The following TMEM163 variants were observed in gnomAD, a reference collection of about 807,000 sequenced individuals.
The protein encoded by TMEM163 is transmembrane protein 163.
Under a neutral mutation model 29.3 loss-of-function variants are expected in TMEM163, and 17 were observed. The observed-to-expected ratio is 0.58, with a 90% CI of 0.40 to 0.87. TMEM163 has a LOEUF of 0.87. TMEM163 is among the 40% of genes least tolerant of loss of function. TMEM163 has a pLI of 0.00. For missense variants in TMEM163, 303 were observed against 381.5 expected, an observed-to-expected ratio of 0.79 and a Z score of 1.71; for synonymous variants, 157 against 160.6, an observed-to-expected ratio of 0.98 and a Z score of 0.17.
Position 134,550,666 on chromosome 2 carries a change from GAGA to G in TMEM163, c.367-8_367-6del. The stretch of plus-strand genomic sequence containing the variant: ...GACGTCCAGGATGGCATCAAACTAG[GAGA>G]AGGAGACATGGCATTAGAGGCTTTC... On this transcript the variant is annotated splice_polypyrimidine_tract_variant and splice_region_variant and intron_variant, in intron 3 of 7. Transcript: ENST00000281924. 1.2e-6 allele frequency: 2 copies of G among 1,614,064 alleles called. No homozygotes were observed. Among genetic ancestry groups the G allele is most frequent in the Non-Finnish European group, 1.7e-6 (2 of 1,179,936 alleles).
At chr2:134,514,853 G>T (rs1680023777) in intron 4 of TMEM163, among the ~76,000 whole-genome samples, 1 of 152,156 alleles carries the variant, frequency 6.6e-6, no homozygotes, top group African/African-American at 2.4e-5. Context: ...GTGCACAATT[G>T]GTTTGGCCTC....
intron 2 of TMEM163, among the ~76,000 whole-genome samples, chr2:134,571,476 A>G (rs532270273): frequency 6.6e-6 from 1 of 152,326 alleles, no homozygotes; most frequent in East Asian, 1.9e-4. Context: ...CTCCGAAAAA[A>G]AAAATCTAAA....
chr2:134,635,403 A>G (rs1000457303), intron 2 of TMEM163, among the ~76,000 whole-genome samples: 1 of 152,182 alleles, frequency 6.6e-6, no homozygotes, highest in African/African-American at 2.4e-5. Context: ...CTAAAGGAAT[A>G]GCAATTCATC....
At chr2:134,650,500 T>A (rs953608081) in intron 2 of TMEM163, among the ~76,000 whole-genome samples, 2 of 98,456 alleles carry the variant, frequency 2.0e-5, no homozygotes, top group Non-Finnish European at 4.0e-5. Context: ...ATGCCTTCTA[T>A]TTCTTTTTTT....
intron 2 of TMEM163, among the ~76,000 whole-genome samples, chr2:134,552,697 T>A (rs1680960196): frequency 6.8e-6 from 1 of 146,536 alleles, no homozygotes; most frequent in Admixed American, 6.9e-5. Flanking sequence ...AGTCTTGCTG[T>A]GTCACTCAGG....
chr2:134,537,300 G>C (rs1680562075), intron 4 of TMEM163, among the ~76,000 whole-genome samples: 1 of 152,160 alleles, frequency 6.6e-6, no homozygotes, highest in African/African-American at 2.4e-5. Context: ...AGACTGACTG[G>C]GCAGCTTAAG....
chr2:134,662,259 A>G (rs76096260), intron 2 of TMEM163, among the ~76,000 whole-genome samples: 16,260 of 152,130 alleles, frequency 0.11, 1,056 homozygotes, highest in African/African-American at 0.17. Flanking sequence ...TCATTCATTC[A>G]ATTGCCACCC....
Position 134,550,758 on chromosome 2 carries a change from A to G in TMEM163, c.367-97T>C, listed in dbSNP as rs920359323. 1.7e-5 allele frequency: 20 copies of G among 1,165,388 alleles called. No individual in the cohort carries two copies. The Admixed American group carries it at 3.3e-4, about 19-fold the overall frequency. 72.2% of individuals were successfully genotyped at this position (1,165,388 alleles called of 1,614,324 possible). The stretch of plus-strand genomic sequence containing the variant: ...CTGTGCTGTGACTCAGAACATCTGC[A>G]TGAGTAAACTCTGAGCAAAGAGGTC... On this transcript the variant is annotated intron_variant, in intron 3 of 7. Coordinates refer to ENST00000281924, the MANE Select transcript of TMEM163 (RefSeq NM_030923.5).
At chr2:134,504,301 C>T (rs530855689) in intron 4 of TMEM163, among the ~76,000 whole-genome samples, 26 of 152,062 alleles carry the variant, frequency 1.7e-4, no homozygotes, top group Admixed American at 9.2e-4. Context: ...AAAGCAAAGA[C>T]GGAATCATCG....
intron 2 of TMEM163, among the ~76,000 whole-genome samples, chr2:134,580,657 A>G (rs1681671661): frequency 6.6e-6 from 1 of 152,212 alleles, no homozygotes; most frequent in Non-Finnish European, 1.5e-5. Context: ...GCCACCTGGA[A>G]TCCCAGCACT....
intron 2 of TMEM163, among the ~76,000 whole-genome samples, chr2:134,679,625 C>A (rs1019702593): frequency 3.3e-5 from 5 of 152,178 alleles, no homozygotes; most frequent in Admixed American, 3.3e-4. Context: ...TTCCCAGGAG[C>A]TTTCGAAGAC....
At chr2:134,521,904 T>C (rs1574203250) in intron 4 of TMEM163, among the ~76,000 whole-genome samples, 1 of 152,160 alleles carries the variant, frequency 6.6e-6, no homozygotes, top group East Asian at 1.9e-4. Flanking sequence ...AGAAGACAGA[T>C]ATTTAAGCAG....
At chr2:134,523,592 C>T (rs754478301) in intron 4 of TMEM163, among the ~76,000 whole-genome samples, 2 of 152,194 alleles carry the variant, frequency 1.3e-5, no homozygotes, top group Non-Finnish European at 2.9e-5. Context: ...CACCACGTTT[C>T]TCAGCAAAGG....
chr2:134,643,501 C>T (rs550873781), intron 2 of TMEM163, among the ~76,000 whole-genome samples: 200 of 152,014 alleles, frequency 1.3e-3, no homozygotes, highest in African/African-American at 4.6e-3. Flanking sequence ...TGAACATTAT[C>T]CTGATACCAA....
chr2:134,679,284 T>C (rs1684182298), intron 2 of TMEM163, among the ~76,000 whole-genome samples: 1 of 152,264 alleles, frequency 6.6e-6, no homozygotes, highest in Non-Finnish European at 1.5e-5. Flanking sequence ...TTCATGAATA[T>C]GTGTACATGA....
intron 2 of TMEM163, among the ~76,000 whole-genome samples, chr2:134,648,304 C>CCTCTCCTCTTCTCTTCTCTT (rs369584583): frequency 8.7e-4 from 124 of 143,212 alleles, no homozygotes; most frequent in African/African-American, 3.2e-3. Flanking sequence ...CACTGCTTCT[C>CCTCTCCTCTTCTCTTCTCTT]CTCTTCTCTT....
chr2:134,484,984 G>A (rs777885174), intron 5 of TMEM163, among the ~76,000 whole-genome samples: 1 of 152,096 alleles, frequency 6.6e-6, no homozygotes, highest in Non-Finnish European at 1.5e-5. Flanking sequence ...GACTAACTTG[G>A]ATAAAAACAA....
At chr2:134,674,827 GAC>G (rs1558987585) in intron 2 of TMEM163, among the ~76,000 whole-genome samples, 1 of 152,142 alleles carries the variant, frequency 6.6e-6, no homozygotes, top group Non-Finnish European at 1.5e-5. Context: ...CCTCTGCAAG[GAC>G]ATCTACCCAG....
At chr2:134,699,354 A>T (rs1282053169) in intron 2 of TMEM163, among the ~76,000 whole-genome samples, 1 of 152,106 alleles carries the variant, frequency 6.6e-6, no homozygotes, top group Non-Finnish European at 1.5e-5. Flanking sequence ...AAATACAAAA[A>T]ATTAGCCAGG....
Sources: gnomAD v4.1 joint callset for allele counts (sites outside exome capture counted in the v4.1 genomes callset) on GRCh38, gnomAD v4.1.1 for gene constraint, MANE v1.5 for transcripts, NCBI Gene and HGNC (gene_info 2026-07-23, HGNC 2026-07-21) for gene names.